CFAP20DC: variants seen among roughly 807,000 people sequenced by gnomAD.
CFAP20DC encodes protein CFAP20DC.
A neutral mutation model predicts 101.7 loss-of-function variants in CFAP20DC; 84 were observed. The ratio of observed to expected loss-of-function variants is 0.83; its 90% CI spans 0.69 to 0.99. CFAP20DC has a LOEUF of 0.99. Ranked by LOEUF, CFAP20DC falls within the 50% of genes least tolerant of loss-of-function variation. The pLI is 0.00. For synonymous variants in CFAP20DC, 359 were observed against 351.2 expected (o/e 1.02, Z -0.25); for missense variants, 1,007 against 970.3 (o/e 1.04, Z -0.50).
At chr3:58,769,296 T>G (rs905032181) in intron 15 of CFAP20DC, among the ~76,000 whole-genome samples, 2 of 152,134 alleles carry the variant, frequency 1.3e-5, no homozygotes, top group African/African-American at 4.8e-5. Flanking sequence ...TCTATCAGCC[T>G]CTCTGGACAG....
At chr3:58,806,197 G>C (rs2074039819) in intron 15 of CFAP20DC, among the ~76,000 whole-genome samples, 198 bp downstream of exon 15, 1 of 152,084 alleles carries the variant, frequency 6.6e-6, no homozygotes. Flanking sequence ...GCTAGTAAAA[G>C]GTAGATATTT....
intron 12 of CFAP20DC, among the ~76,000 whole-genome samples, chr3:58,855,985 TA>T (rs1209186435): frequency 5.2e-4 from 63 of 121,938 alleles, no homozygotes; most frequent in African/African-American, 1.4e-3. Flanking sequence ...TAAAGTATAA[TA>T]AAAAAAAATA....
chr3:59,038,073 C>A (rs964367796), intron 4 of CFAP20DC, among the ~76,000 whole-genome samples: 1 of 151,966 alleles, frequency 6.6e-6, no homozygotes, highest in African/African-American at 2.4e-5. Context: ...AAGAGGTGAA[C>A]AATGAGAAAA....
At chr3:58,935,006 T>C (rs948920077) in intron 5 of CFAP20DC, among the ~76,000 whole-genome samples, 11 of 152,198 alleles carry the variant, frequency 7.2e-5, no homozygotes, top group Non-Finnish European at 1.2e-4. Context: ...GATGACATGA[T>C]TGTATATCTA....
chr3:58,832,747 A>G (rs544703435), intron 13 of CFAP20DC, among the ~76,000 whole-genome samples: 4 of 152,324 alleles, frequency 2.6e-5, no homozygotes, highest in African/African-American at 7.2e-5. Flanking sequence ...AGATGCTAGT[A>G]TAAATATTAT....
chr3:59,042,930 A>T (rs1175214142), intron 3 of CFAP20DC, among the ~76,000 whole-genome samples: 1 of 152,202 alleles, frequency 6.6e-6, no homozygotes, highest in Non-Finnish European at 1.5e-5. Context: ...CTGATTTAAA[A>T]GCTTTTTTTC....
chr3:58,752,277 A>G (rs1156724900), intron 16 of CFAP20DC, among the ~76,000 whole-genome samples: 1 of 152,118 alleles, frequency 6.6e-6, no homozygotes, highest in Non-Finnish European at 1.5e-5. Context: ...CAAACCACCC[A>G]AGCATATAAG....
chr3:58,816,421 C>G (rs1028584636), intron 14 of CFAP20DC, among the ~76,000 whole-genome samples: 2 of 152,138 alleles, frequency 1.3e-5, no homozygotes, highest in East Asian at 1.9e-4. Context: ...TGGGCACAGG[C>G]CAGTGGGTGC....
intron 4 of CFAP20DC, among the ~76,000 whole-genome samples, chr3:59,035,105 T>A (rs549607077): frequency 6.6e-6 from 1 of 151,954 alleles, no homozygotes; most frequent in Non-Finnish European, 1.5e-5. Context: ...GGGTAAATAA[T>A]GAAATCAAGG....
In CFAP20DC at chr3:58,728,617, CATAA is replaced by C. The variant is rs2067590260; in HGVS notation, c.198-10993_198-10990del. Among the ~76,000 whole-genome samples the C allele has an allele frequency of 1.3e-5, 2 of 152,168 alleles. No individual in the cohort carries two copies. Among genetic ancestry groups the C allele is most frequent in the Non-Finnish European group, 2.9e-5 (2 of 68,032 alleles). ...CAGAATTAAGTCAGTAACTTAAAAA[CATAA>C]ATGAATGAATGTCAGAGTTCCATTC... On this transcript the variant is annotated intron_variant, in intron 3 of 3. Transcript: ENST00000486145. The surrounding 1 kb of genome is among the most constrained non-coding windows in gnomAD (Gnocchi z 4.7).
chr3:58,718,390 T>G (rs2067425469), intron 3 of CFAP20DC, among the ~76,000 whole-genome samples: 1 of 152,158 alleles, frequency 6.6e-6, no homozygotes, highest in Non-Finnish European at 1.5e-5. Context: ...AATGCAGGAT[T>G]CCTCCATGTG....
At chr3:58,771,786 T>C (rs763765322) in intron 15 of CFAP20DC, among the ~76,000 whole-genome samples, 1 of 152,142 alleles carries the variant, frequency 6.6e-6, no homozygotes, top group Non-Finnish European at 1.5e-5. Flanking sequence ...CATTTCTTAA[T>C]CACATCCCCA....
intron 4 of CFAP20DC, among the ~76,000 whole-genome samples, chr3:58,991,087 T>G (rs2092922320): frequency 6.6e-6 from 1 of 152,194 alleles, no homozygotes; most frequent in African/African-American, 2.4e-5. Context: ...AAGAAAACAT[T>G]AAAAATATCT....
rs1315168137 is a variant in CFAP20DC, at chr3:58,773,398, A to G, written c.2238-19535T>C. 2.0e-5 allele frequency among the ~76,000 whole-genome samples: 3 copies of G among 147,688 alleles called. No individual in the cohort carries two copies. The East Asian group carries it at 6.9e-4, about 34-fold the overall frequency. On this transcript the variant is annotated intron_variant, in intron 15 of 16. Transcript: ENST00000482387. Reference sequence around the variant, plus strand: ...AGACCTCATCTCTAGCAAAAAAAAAAAAAAGAAAAAGAAAAAGAAAAAAAA... The same window carrying G: ...AGACCTCATCTCTAGCAAAAAAAAAGAAAAGAAAAAGAAAAAGAAAAAAAA...
chr3:58,970,694 T>A (rs2091899971), intron 4 of CFAP20DC: 1 of 152,150 alleles, frequency 6.6e-6, no homozygotes, highest in East Asian at 1.9e-4. Flanking sequence ...GGAGTCAACC[T>A]CTTGGAGTTT....
intron 15 of CFAP20DC, among the ~76,000 whole-genome samples, chr3:58,757,523 T>C (rs2069079230): frequency 1.3e-5 from 2 of 152,126 alleles, no homozygotes; most frequent in Admixed American, 1.3e-4. Flanking sequence ...CAAAAGGTTT[T>C]ATTTTTATGT....
intron 13 of CFAP20DC, among the ~76,000 whole-genome samples, chr3:58,840,055 C>T (rs2076994846): frequency 6.6e-6 from 1 of 152,160 alleles, no homozygotes; most frequent in Admixed American, 6.5e-5. Flanking sequence ...AAAAAGAGAG[C>T]AGAGGGACAG....
At chr3:58,772,962 G>A (rs2070989972) in intron 15 of CFAP20DC, among the ~76,000 whole-genome samples, 1 of 151,942 alleles carries the variant, frequency 6.6e-6, no homozygotes, top group Non-Finnish European at 1.5e-5. Flanking sequence ...CATGGGAGGA[G>A]TAAGACTTAT....
Position 58,894,361 on chromosome 3 carries a change from AG to A in CFAP20DC, c.551-9653del. ...AAGTTAGTTACTTCCTAGATACAAC[AG>A]GGGTACAGGTACCTATTCCAAATGA... On this transcript the variant is annotated intron_variant, in intron 6 of 16. Coordinates refer to ENST00000482387, the MANE Select transcript of CFAP20DC (RefSeq NM_001394063.1). This position sits in a 1 kb window ranked among gnomAD's most constrained non-coding sequence, Gnocchi z 4.1. Among the ~76,000 whole-genome samples, 1 of 152,234 alleles carries A rather than the reference AG, an allele frequency of 6.6e-6. No homozygotes were observed. The highest frequency in any genetic ancestry group is 2.4e-5 in the African/African-American group (1 of 41,468).
Sources: allele counts gnomAD v4.1 joint callset (sites outside exome capture counted in the v4.1 genomes callset), GRCh38; gene constraint gnomAD v4.1.1; non-coding constraint Gnocchi (gnomAD v3.1); transcripts MANE v1.5; gene names NCBI Gene and HGNC (gene_info 2026-07-23, HGNC 2026-07-21).